The following SLC2A9 variants were observed in gnomAD, a reference collection of about 807,000 sequenced individuals.
SLC2A9 encodes solute carrier family 2, facilitated glucose transporter member 9.
Under a neutral mutation model 50.6 loss-of-function variants are expected in SLC2A9, and 39 were observed. The observed-to-expected ratio is 0.77, with a 90% confidence interval of 0.60 to 1.01. The LOEUF (loss-of-function observed/expected upper bound fraction) is 1.01. Ranked by LOEUF, SLC2A9 falls within the 50% of genes least tolerant of loss-of-function variation. SLC2A9 has a pLI of 0.00. For synonymous variants in SLC2A9, 324 were observed against 276.9 expected (o/e 1.17, Z -1.69); for missense variants, 686 against 677.6 (o/e 1.01, Z -0.14).
chr4:9,849,262 G>A (rs972997593), intron 10 of SLC2A9, among the ~76,000 whole-genome samples: 1 of 152,182 alleles, frequency 6.6e-6, no homozygotes, highest in South Asian at 2.1e-4. Flanking sequence ...GTGGGATATG[G>A]GTCAGCAGAA....
intron 3 of SLC2A9, chr4:9,782,010 C>A: frequency 6.9e-7 from 1 of 1,443,924 alleles, no homozygotes; most frequent in South Asian, 1.5e-5. Flanking sequence ...GCACAGACCG[C>A]CCCTGCAGTC....
Position 9,985,669 on chromosome 4 carries a change from C to A in SLC2A9, c.535G>T (p.Gly179Cys), listed in dbSNP as rs1454357802. ...CCTCCCCGTCATGGTGAACTCTCACCTCCATCTATGCCCATGATGAAGCGT... is the reference window on the plus strand; with the variant it reads ...CCTCCCCGTCATGGTGAACTCTCACATCCATCTATGCCCATGATGAAGCGT... ...VGRFIMGIDG[G>C]VALSVLPMYL... Residue 179 changes from glycine to cysteine, a missense_variant and splice_region_variant, in exon 4 of 12, where the codon GGC becomes TGC. By Grantham distance (159) the Gly-to-Cys change is radical. Transcript: ENST00000264784. 2 of 1,613,902 alleles carry A rather than the reference C, an allele frequency of 1.2e-6. No individual in the cohort carries two copies. The highest frequency in any genetic ancestry group is 1.7e-6 in the Non-Finnish European group (2 of 1,179,880).
At chr4:9,860,345 C>T (rs903244558) in intron 10 of SLC2A9, among the ~76,000 whole-genome samples, 4 of 152,212 alleles carry the variant, frequency 2.6e-5, no homozygotes, top group Non-Finnish European at 5.9e-5. Context: ...ACTTGTCATC[C>T]TTATGGATTC....
At chr4:9,819,715 C>T (rs998652655) in intron 3 of SLC2A9, among the ~76,000 whole-genome samples, 2 of 152,242 alleles carry the variant, frequency 1.3e-5, no homozygotes, top group Non-Finnish European at 2.9e-5. Context: ...GTGCAGACCA[C>T]CTGCAGTCAG....
intron 3 of SLC2A9, among the ~76,000 whole-genome samples, chr4:9,817,128 T>C (rs1723710510): frequency 6.6e-6 from 1 of 152,166 alleles, no homozygotes; most frequent in African/African-American, 2.4e-5. Context: ...CTCTGCCACC[T>C]CCCTTTTATA....
chr4:9,949,987 C>G (rs961466566), intron 5 of SLC2A9, among the ~76,000 whole-genome samples: 4 of 152,100 alleles, frequency 2.6e-5, no homozygotes, highest in African/African-American at 9.7e-5. Flanking sequence ...ACAACTGCCT[C>G]CTGGGAAGGA....
At chr4:9,949,080 C>T (rs149201461) in intron 5 of SLC2A9, among the ~76,000 whole-genome samples, 2 of 152,334 alleles carry the variant, frequency 1.3e-5, no homozygotes, top group Non-Finnish European at 2.9e-5. Flanking sequence ...TCATCCTTTA[C>T]CTTATAGCAT....
intron 5 of SLC2A9, among the ~76,000 whole-genome samples, chr4:9,967,753 A>C (rs951332281): frequency 2.6e-5 from 4 of 151,982 alleles, no homozygotes; most frequent in Non-Finnish European, 4.4e-5. Context: ...CTTTACATTA[A>C]AAAATCTTGC....
chr4:9,788,831 T>C (rs980783407), intron 3 of SLC2A9, among the ~76,000 whole-genome samples: 8 of 152,352 alleles, frequency 5.3e-5, no homozygotes, highest in African/African-American at 1.9e-4. Flanking sequence ...CAACACGAGA[T>C]ATGTCAGACT....
intron 6 of SLC2A9, 23 bp downstream of exon 6, chr4:9,941,890 G>A (rs1034498965): frequency 6.2e-7 from 1 of 1,613,598 alleles, no homozygotes; most frequent in African/African-American, 1.3e-5. Flanking sequence ...CTGGAGCTGT[G>A]CAGGAAAGGG....
intron 10 of SLC2A9, among the ~76,000 whole-genome samples, chr4:9,859,867 C>T (rs1731330613): frequency 3.3e-5 from 5 of 152,210 alleles, no homozygotes; most frequent in Admixed American, 3.3e-4. Context: ...TGCTATCTTT[C>T]CCCAGTTGGC....
Position 9,996,775 on chromosome 4 carries a change from A to G in SLC2A9, c.410+6T>C. ...CACCCCCAGATAGAGACAGCCTCCT[A>G]CTGACCTCCCAAGAACCTTTCCAAT... On this transcript the variant is annotated splice_donor_region_variant and intron_variant, in intron 3 of 11. Transcript: ENST00000264784. 6.2e-7 allele frequency: 1 copy of G among 1,613,354 alleles called. No homozygotes were observed.
At chr4:9,783,272 C>A in intron 3 of SLC2A9, 1 of 1,614,212 alleles carries the variant, frequency 6.2e-7, no homozygotes, top group Non-Finnish European at 8.5e-7. Flanking sequence ...CCACATGATG[C>A]CCAACGCCGT....
intron 8 of SLC2A9, among the ~76,000 whole-genome samples, chr4:9,906,879 A>G (rs1740777239): frequency 6.6e-6 from 1 of 152,272 alleles, no homozygotes; most frequent in Non-Finnish European, 1.5e-5. Context: ...TGAAACGTTG[A>G]AATGTTTTCT....
At chr4:9,955,714 T>A (rs1475979091) in intron 5 of SLC2A9, among the ~76,000 whole-genome samples, 5 of 152,076 alleles carry the variant, frequency 3.3e-5, no homozygotes, top group African/African-American at 1.2e-4. Flanking sequence ...AGGCAAGAAT[T>A]GAGGTTGCTG....
chr4:9,828,320 A>G (rs1426571712), intron 11 of SLC2A9, among the ~76,000 whole-genome samples: 1 of 152,204 alleles, frequency 6.6e-6, no homozygotes, highest in Non-Finnish European at 1.5e-5. Flanking sequence ...GATTTTTGCA[A>G]TAGCTTGTCA....
chr4:9,893,535 A>C (rs1577739088), intron 8 of SLC2A9, among the ~76,000 whole-genome samples: 1 of 141,364 alleles, frequency 7.1e-6, no homozygotes, highest in African/African-American at 2.6e-5. Flanking sequence ...AGAAAGAGAG[A>C]TAGGGGGAGG....
chr4:10,028,861 C>CA (rs1377972132), intron 1 of SLC2A9, among the ~76,000 whole-genome samples: 2 of 152,146 alleles, frequency 1.3e-5, no homozygotes, highest in Non-Finnish European at 2.9e-5. Flanking sequence ...GCATATCCAG[C>CA]ACTCCCAGCA....
chr4:9,833,367 G>C (rs1726498739), intron 11 of SLC2A9, among the ~76,000 whole-genome samples: 1 of 152,192 alleles, frequency 6.6e-6, no homozygotes, highest in South Asian at 2.1e-4. Context: ...GGAGGCTGTA[G>C]CAAGTGATGG....
Sources: gnomAD v4.1 joint callset for allele counts (sites outside exome capture counted in the v4.1 genomes callset) on GRCh38, gnomAD v4.1.1 for gene constraint, MANE v1.5 for transcripts, NCBI Gene and HGNC (gene_info 2026-07-23, HGNC 2026-07-21) for gene names.